The following CSNK2A2 variants were observed in gnomAD, a reference collection of about 807,000 sequenced individuals.
The protein encoded by CSNK2A2 is casein kinase II subunit alpha'.
A neutral mutation model predicts 54.0 loss-of-function variants in CSNK2A2; 8 were observed. That is an observed-to-expected ratio of 0.15 (90% CI 0.09 to 0.27). The LOEUF (loss-of-function observed/expected upper bound fraction) is 0.27, where lower values mean the gene tolerates loss of function less well. Ranked by LOEUF, CSNK2A2 falls within the 10% of genes least tolerant of loss-of-function variation. The pLI is 1.00. For synonymous variants in CSNK2A2, 141 were observed against 153.9 expected (o/e 0.92, Z 0.62); for missense variants, 242 against 439.4 (o/e 0.55, Z 4.02).
chr16:58,184,264 A>C lies in CSNK2A2; in HGVS notation c.365T>G (p.Phe122Cys). Reference sequence around the variant, plus strand: ...CAGAAAGAAAAGCATACGCACCTTAAAATCTGTATTATTGATATATTCAAA... The same window carrying C: ...CAGAAAGAAAAGCATACGCACCTTACAATCTGTATTATTGATATATTCAAA... ...LVFEYINNTD[F>C]KQLYQILTDF... The change falls in exon 4 of 12, where the codon TTT becomes TGT. Residue 122 changes from phenylalanine to cysteine, a missense_variant. By Grantham distance (205) the Phe-to-Cys change is radical (BLOSUM62 -2). Around this residue, in one of 5 missense-constraint regions of CSNK2A2, gnomAD observed 69 missense variants for 97.0 expected, o/e 0.71. Coordinates refer to ENST00000262506, the MANE Select transcript of CSNK2A2 (RefSeq NM_001896.4). 6.2e-7 allele frequency: 1 copy of C among 1,601,850 alleles called. No individual in the cohort carries two copies. The highest frequency in any genetic ancestry group is 8.5e-7 in the Non-Finnish European group (1 of 1,171,948).
At chr16:58,173,794 C>T (rs1268216856) in intron 5 of CSNK2A2, among the ~76,000 whole-genome samples, 2 of 152,174 alleles carry the variant, frequency 1.3e-5, no homozygotes, top group African/African-American at 2.4e-5. Flanking sequence ...AGAGTGGAGT[C>T]GGTTTTTCCA....
At chr16:58,184,386 A>G (rs1354386032) in intron 3 of CSNK2A2, 76 bp from the exon 4 acceptor site, 1 of 1,004,606 alleles carries the variant, frequency 1.0e-6, no homozygotes, top group East Asian at 2.6e-5. Context: ...AAAATGGCCC[A>G]TCCCCAAATC....
At chr16:58,167,181 A>G (rs1284028594) in intron 8 of CSNK2A2, 26 bp downstream of exon 8, 13 of 1,569,968 alleles carry the variant, frequency 8.3e-6, no homozygotes, top group African/African-American at 1.4e-5. Flanking sequence ...CCCCAAATAA[A>G]TAAGAACCAG....
At chr16:58,171,176 A>G (rs1961725392) in intron 5 of CSNK2A2, among the ~76,000 whole-genome samples, 2 of 152,158 alleles carry the variant, frequency 1.3e-5, no homozygotes, top group Non-Finnish European at 2.9e-5. Context: ...TTAGCATTCC[A>G]GGAATAAGCT....
At chr16:58,186,882 G>T (rs748216328) in intron 2 of CSNK2A2, 26 bp from the exon 3 acceptor site, 21 of 1,532,008 alleles carry the variant, frequency 1.4e-5, no homozygotes, top group Non-Finnish European at 1.8e-5. Context: ...GTAATCAGAA[G>T]TGAGACTCCT....
At chr16:58,165,832 C>G (rs2142410145) in intron 9 of CSNK2A2, 124 bp from the exon 10 acceptor site, 1 of 1,019,174 alleles carries the variant, frequency 9.8e-7, no homozygotes, top group East Asian at 2.7e-5. Flanking sequence ...AAATCTCTAA[C>G]TGGTGCCTGC....
In CSNK2A2 at chr16:58,169,467, C is replaced by T. The variant is rs558542164; in HGVS notation, c.430-774G>A. On this transcript the variant is annotated intron_variant, in intron 5 of 11. Coordinates refer to ENST00000262506, the MANE Select transcript of CSNK2A2 (RefSeq NM_001896.4). ...ACTGCTTGAACCTGGGAGGTGGAGG[C>T]TGCAGTGAGCTGAGATGGTGCCACT... 3.3e-5 allele frequency among the ~76,000 whole-genome samples: 5 copies of T among 152,004 alleles called. No homozygotes were observed. In the East Asian group the frequency reaches 7.9e-4, roughly 24 times the overall value.
chr16:58,196,286 A>G (rs1962442452), intron 2 of CSNK2A2, among the ~76,000 whole-genome samples: 1 of 152,252 alleles, frequency 6.6e-6, no homozygotes, highest in Non-Finnish European at 1.5e-5. Context: ...GGGTGGAAAA[A>G]GAAGTAATGA....
chr16:58,174,376 C>A, intron 5 of CSNK2A2, 75 bp downstream of exon 5: 1 of 1,044,314 alleles, frequency 9.6e-7, no homozygotes, highest in South Asian at 1.6e-5. Context: ...TGCTTAAGTT[C>A]TCTTTGTTCT....
At chr16:58,190,001 T>C (rs1016312578) in intron 2 of CSNK2A2, among the ~76,000 whole-genome samples, 1 of 152,082 alleles carries the variant, frequency 6.6e-6, no homozygotes, top group African/African-American at 2.4e-5. Flanking sequence ...ATAAACCTAG[T>C]TTTACAGAAA....
intron 11 of CSNK2A2, chr16:58,161,258 T>C (rs887904094): frequency 2.0e-5 from 3 of 152,236 alleles, no homozygotes; most frequent in South Asian, 2.1e-4. Flanking sequence ...GGATTTGGCA[T>C]AGGAACCTTT....
At chr16:58,185,696 G>C (rs1053122383) in intron 3 of CSNK2A2, among the ~76,000 whole-genome samples, 2 of 152,194 alleles carry the variant, frequency 1.3e-5, no homozygotes, top group African/African-American at 2.4e-5. Context: ...AGGCCAATTA[G>C]TTACAATCTG....
At chr16:58,166,363 G>A (rs1183579941) in intron 9 of CSNK2A2, among the ~76,000 whole-genome samples, 1 of 152,034 alleles carries the variant, frequency 6.6e-6, no homozygotes, top group African/African-American at 2.4e-5. Flanking sequence ...TATGATTTTT[G>A]TTTTACCTTT....
chr16:58,174,495 G>C lies in CSNK2A2; in HGVS notation c.385C>G (p.Leu129Val). 1.9e-6 allele frequency: 3 copies of C among 1,612,494 alleles called. No homozygotes were observed. The highest frequency in any genetic ancestry group is 2.5e-6 in the Non-Finnish European group (3 of 1,179,358). Residue 129 changes from leucine to valine, a missense_variant, in exon 5 of 12, where the codon CTG (leucine) becomes GTG (valine). Physicochemically the swap from Leu to Val is conservative, Grantham distance 32. Transcript: ENST00000262506. The stretch of plus-strand genomic sequence containing the variant: ...TAAAACCGGATATCAAAGTCTGTCA[G>C]GATCTGGTAGAGTTGCTGAAACAGA... The part of the protein sequence containing the change: ...NTDFKQLYQI[L>V]TDFDIRFYMY...
chr16:58,189,544 G>GCC (rs1354889545), intron 2 of CSNK2A2, among the ~76,000 whole-genome samples: 1 of 152,146 alleles, frequency 6.6e-6, no homozygotes. Flanking sequence ...TCAGCAACAG[G>GCC]TCAGGCCTGG....
intron 6 of CSNK2A2, 40 bp downstream of exon 6, chr16:58,168,570 C>A: frequency 6.4e-7 from 1 of 1,570,126 alleles, no homozygotes; most frequent in Non-Finnish European, 8.8e-7. Flanking sequence ...CTGCTCTAAG[C>A]CTTTTAATCA....
At chr16:58,181,714 G>T (rs932812647) in intron 4 of CSNK2A2, among the ~76,000 whole-genome samples, 1 of 152,112 alleles carries the variant, frequency 6.6e-6, no homozygotes, top group Admixed American at 6.5e-5. Context: ...ATGAGTTCTG[G>T]AAAGTGAGAA....
intron 2 of CSNK2A2, among the ~76,000 whole-genome samples, chr16:58,189,498 T>C (rs1962273978): frequency 6.6e-6 from 1 of 152,194 alleles, no homozygotes; most frequent in South Asian, 2.1e-4. Flanking sequence ...TTTATGACGC[T>C]GCCCCATGTA....
At position 58,168,598 on chromosome 16, in the gene CSNK2A2, C is replaced by T; in HGVS notation, c.513+12G>A. 1 of 1,610,764 alleles carries T rather than the reference C, an allele frequency of 6.2e-7. No homozygotes were observed. Among genetic ancestry groups the T allele is most frequent in the South Asian group, 1.1e-5 (1 of 90,886 alleles). Reference sequence around the variant, plus strand: ...TTTAATCAAGCTTGTTGCTGCCTGGCTGTAATGGTACCTTTTTCTGTTGGT... The same window carrying T: ...TTTAATCAAGCTTGTTGCTGCCTGGTTGTAATGGTACCTTTTTCTGTTGGT... On this transcript the variant is annotated intron_variant, in intron 6 of 11. Coordinates refer to ENST00000262506, the MANE Select transcript of CSNK2A2 (RefSeq NM_001896.4).
Sources: gnomAD v4.1 joint callset for allele counts (sites outside exome capture counted in the v4.1 genomes callset) on GRCh38, gnomAD v4.1.1 for gene constraint, gnomAD v4.1.1 regional missense constraint, MANE v1.5 for transcripts, NCBI Gene and HGNC (gene_info 2026-07-23, HGNC 2026-07-21) for gene names.